The following USP13 variants were observed in gnomAD, a reference collection of about 807,000 sequenced individuals.
USP13 encodes ubiquitin specific peptidase 13.
USP13 carries 68 observed loss-of-function variants against 107.8 expected under a neutral mutation model. The observed-to-expected ratio is 0.63, with a 90% CI of 0.52 to 0.77. The LOEUF is 0.77. Among genes scored for constraint, USP13 ranks in the 30% least tolerant of loss-of-function variants. The pLI, the probability that USP13 is intolerant of heterozygous loss-of-function variation, is 0.00. For missense variants in USP13, 945 were observed against 1,093.3 expected, an observed-to-expected ratio of 0.86 and a Z score of 1.91; for synonymous variants, 377 against 389.5, an observed-to-expected ratio of 0.97 and a Z score of 0.38.
At chr3:179,676,936 G>A (rs1388759948) in intron 1 of USP13, among the ~76,000 whole-genome samples, 1 of 151,986 alleles carries the variant, frequency 6.6e-6, no homozygotes, top group Non-Finnish European at 1.5e-5. Flanking sequence ...TCGGCTCACT[G>A]CAATCTCTGC....
intron 19 of USP13, among the ~76,000 whole-genome samples, chr3:179,774,831 T>G (rs1478392202): frequency 6.6e-6 from 1 of 152,236 alleles, no homozygotes; most frequent in African/African-American, 2.4e-5. Context: ...TACAGAGAGC[T>G]GATTGGTCCA....
intron 16 of USP13, 77 bp from the exon 17 acceptor site, chr3:179,761,035 T>C: frequency 6.4e-7 from 1 of 1,559,934 alleles, no homozygotes; most frequent in Non-Finnish European, 8.8e-7. Context: ...AGCATGTGGA[T>C]AGGAGAGTGG....
chr3:179,761,935 A>G (rs1715026586), intron 17 of USP13, among the ~76,000 whole-genome samples: 1 of 152,238 alleles, frequency 6.6e-6, no homozygotes. Context: ...TATCTACTTT[A>G]TTAAGCTATA....
At chr3:179,764,481 G>C (rs1715111460) in intron 18 of USP13, among the ~76,000 whole-genome samples, 1 of 152,152 alleles carries the variant, frequency 6.6e-6, no homozygotes, top group South Asian at 2.1e-4. Flanking sequence ...TGTGGCCCTA[G>C]AGGAAAGAGG....
chr3:179,745,651 T>G (rs1038241930), intron 13 of USP13, among the ~76,000 whole-genome samples: 1 of 152,090 alleles, frequency 6.6e-6, no homozygotes, highest in Non-Finnish European at 1.5e-5. Flanking sequence ...AATGACATTA[T>G]TCATGAAGAA....
At chr3:179,706,810 C>T (rs781781417) in intron 4 of USP13, 124 bp from the exon 5 acceptor site, 95 of 1,172,852 alleles carry the variant, frequency 8.1e-5, no homozygotes, top group Middle Eastern at 4.9e-4. Context: ...CCCTCTCTTG[C>T]GACAACTACG....
At chr3:179,665,772 G>A (rs1384150605) in intron 1 of USP13, among the ~76,000 whole-genome samples, 1 of 152,138 alleles carries the variant, frequency 6.6e-6, no homozygotes, top group Non-Finnish European at 1.5e-5. Flanking sequence ...TTTTAGTAGA[G>A]GCAGGGTTTC....
intron 19 of USP13, among the ~76,000 whole-genome samples, chr3:179,773,972 AAG>A (rs1715418281): frequency 6.6e-6 from 1 of 152,162 alleles, no homozygotes. Flanking sequence ...TCATTGCTGT[AAG>A]AGAATACCTG....
chr3:179,781,927 A>C, intron 20 of USP13, 104 bp downstream of exon 20: 2 of 1,059,560 alleles, frequency 1.9e-6, no homozygotes, highest in Non-Finnish European at 2.9e-6. Context: ...TTTGGTTCTC[A>C]CATTGGTCTT....
chr3:179,761,005 G>T, intron 16 of USP13, 107 bp from the exon 17 acceptor site: 1 of 1,384,164 alleles, frequency 7.2e-7, no homozygotes, highest in Non-Finnish European at 1.0e-6. Flanking sequence ...ACACCCAACA[G>T]AATAGCACTT....
intron 4 of USP13, 74 bp downstream of exon 4, chr3:179,701,203 G>T (rs1184556338): frequency 7.2e-6 from 9 of 1,257,502 alleles, no homozygotes; most frequent in African/African-American, 1.6e-5. Context: ...TGCGATGTGT[G>T]TGTGCGGGGG....
At chr3:179,657,762 CAAAAAAA>C (rs35377039) in intron 1 of USP13, among the ~76,000 whole-genome samples, 35 of 73,832 alleles carry the variant, frequency 4.7e-4, no homozygotes, top group African/African-American at 1.3e-3. Flanking sequence ...AATTCCGTCT[CAAAAAAA>C]AAAAAAAAAA....
chr3:179,780,219 G>C (rs1272586496), intron 19 of USP13, among the ~76,000 whole-genome samples: 4 of 152,192 alleles, frequency 2.6e-5, no homozygotes, highest in African/African-American at 9.7e-5. Flanking sequence ...TTGTACAGGA[G>C]GTTCTAGCCA....
At chr3:179,769,960 A>G (rs1230480613) in intron 19 of USP13, among the ~76,000 whole-genome samples, 3 of 152,210 alleles carry the variant, frequency 2.0e-5, no homozygotes, top group African/African-American at 7.2e-5. Context: ...AATGCAGATT[A>G]CCATCACGTG....
chr3:179,757,007 CA>C (rs986323140), intron 15 of USP13, 44 bp from the exon 16 acceptor site: 82 of 1,609,390 alleles, frequency 5.1e-5, no homozygotes, highest in Non-Finnish European at 6.5e-5. Context: ...TAAAACTCCT[CA>C]ACATGGTTTG....
chr3:179,775,468 T>TG (rs1715495174), intron 19 of USP13, among the ~76,000 whole-genome samples: 1 of 152,258 alleles, frequency 6.6e-6, no homozygotes, highest in Non-Finnish European at 1.5e-5. Context: ...TAGTGGATCC[T>TG]GTGCCAGGGC....
intron 16 of USP13, among the ~76,000 whole-genome samples, chr3:179,759,261 G>A (rs770839946): frequency 2.6e-5 from 4 of 152,144 alleles, no homozygotes; most frequent in Non-Finnish European, 5.9e-5. Flanking sequence ...GATTACAGGC[G>A]TGAGCCACCG....
chr3:179,721,711 C>T lies in USP13; in HGVS notation c.1088+122C>T. 1 of 1,037,516 alleles carries T rather than the reference C, an allele frequency of 9.6e-7. No homozygotes were observed. The highest frequency in any genetic ancestry group is 2.6e-5 in the East Asian group (1 of 38,264). The allele number at this position is 1,037,516 out of a possible 1,614,324, so 64.3% of individuals were successfully genotyped here. A position where few individuals can be genotyped will look rare whatever the true frequency, so the allele number is the denominator to read the frequency against. On this transcript the variant is annotated intron_variant, in intron 8 of 20. Transcript: ENST00000263966. The surrounding 1 kb of genome is among the most constrained non-coding windows in gnomAD (Gnocchi z 4.3). ...TTCAGGACATTTTGCCACCTTTTCT[C>T]TGGCCTGCCTTCTACAGAGACTGGG...
chr3:179,706,108 ATATAT>A (rs138464435), intron 4 of USP13, among the ~76,000 whole-genome samples: 27,289 of 151,992 alleles, frequency 0.18, 2,526 homozygotes, highest in Admixed American at 0.24. Context: ...TTTCTCTTGG[ATATAT>A]ACCTATGGTA....
Sources: gnomAD v4.1 joint callset for allele counts (sites outside exome capture counted in the v4.1 genomes callset) on GRCh38, gnomAD v4.1.1 for gene constraint, Gnocchi (gnomAD v3.1) non-coding constraint, MANE v1.5 for transcripts, NCBI Gene and HGNC (gene_info 2026-07-23, HGNC 2026-07-21) for gene names.